The following PDIA5 variants were observed in gnomAD, a reference collection of about 807,000 sequenced individuals.
The protein encoded by PDIA5 is protein disulfide isomerase family A member 5.
A neutral mutation model predicts 77.6 loss-of-function variants in PDIA5; 58 were observed. That is an observed-to-expected ratio of 0.75 (90% CI 0.61 to 0.93). PDIA5 has a LOEUF of 0.93. Among genes scored for constraint, PDIA5 ranks in the 40% least tolerant of loss-of-function variants. PDIA5 has a pLI of 0.00. For missense variants in PDIA5, 630 were observed against 647.7 expected, an observed-to-expected ratio of 0.97 and a Z score of 0.30; for synonymous variants, 250 against 252.1, an observed-to-expected ratio of 0.99 and a Z score of 0.08.
intron 15 of PDIA5, among the ~76,000 whole-genome samples, chr3:123,157,976 G>A (rs924855611): frequency 2.0e-5 from 3 of 152,216 alleles, no homozygotes; most frequent in African/African-American, 7.2e-5. Flanking sequence ...CTGAGGCAGT[G>A]GGGGCCCCAC....
intron 15 of PDIA5, among the ~76,000 whole-genome samples, chr3:123,159,440 G>A (rs2717231): frequency 0.5 from 75,370 of 152,086 alleles, 18,674 homozygotes; most frequent in South Asian, 0.54. Flanking sequence ...GCTCCAGGGG[G>A]TGCTGGGGAA....
chr3:123,103,435 G>C (rs749944007), intron 5 of PDIA5, among the ~76,000 whole-genome samples: 44 of 152,304 alleles, frequency 2.9e-4, no homozygotes, highest in Non-Finnish European at 2.4e-4. Flanking sequence ...TCCTGCGCTG[G>C]CTGAAGCCAT....
intron 1 of PDIA5, among the ~76,000 whole-genome samples, chr3:123,081,992 G>A (rs1232588477): frequency 4.6e-5 from 7 of 152,196 alleles, no homozygotes; most frequent in Non-Finnish European, 1.0e-4. Context: ...CAGATTGGGA[G>A]GACCACACAC....
chr3:123,129,121 T>C (rs1463696901), intron 10 of PDIA5, among the ~76,000 whole-genome samples: 1 of 152,196 alleles, frequency 6.6e-6, no homozygotes, highest in Admixed American at 6.5e-5. Context: ...GCAGGTGTAT[T>C]GTAAAGATAA....
In PDIA5 at chr3:123,124,304, A is replaced by G. The variant is rs758318654; in HGVS notation, c.734A>G (p.Tyr245Cys). Residue 245 changes from tyrosine to cysteine, a missense_variant, in exon 10 of 17, where the codon TAT becomes TGT. Physicochemically the swap from Tyr to Cys is radical, Grantham distance 194. Transcript: ENST00000316218. Reference protein sequence around the residue: ...KGRFLFQYDNYGSTAEDIVEW... With the variant: ...KGRFLFQYDNCGSTAEDIVEW... ...CGGTTCTTGTTCCAGTATGACAACTATGGGTCCACAGCTGAGGACATTGTG... is the reference window on the plus strand; with the variant it reads ...CGGTTCTTGTTCCAGTATGACAACTGTGGGTCCACAGCTGAGGACATTGTG... 3.7e-6 allele frequency: 6 copies of G among 1,613,708 alleles called. No individual in the cohort carries two copies. In the Admixed American group the frequency reaches 5.0e-5, roughly 13 times the overall value.
At chr3:123,092,181 G>T (rs1213370593) in intron 2 of PDIA5, among the ~76,000 whole-genome samples, 174 bp from the exon 3 acceptor site, 2 of 152,134 alleles carry the variant, frequency 1.3e-5, no homozygotes, top group Non-Finnish European at 2.9e-5. Context: ...GACCATTCTT[G>T]CAGCACAGGC....
intron 3 of PDIA5, among the ~76,000 whole-genome samples, chr3:123,096,705 G>A (rs1039648868): frequency 2.6e-5 from 4 of 152,084 alleles, no homozygotes; most frequent in African/African-American, 9.7e-5. Flanking sequence ...TTCTGTCTAG[G>A]GTTTTGTCAG....
chr3:123,127,231 T>C (rs1935261593), intron 10 of PDIA5, among the ~76,000 whole-genome samples: 2 of 152,086 alleles, frequency 1.3e-5, no homozygotes, highest in Non-Finnish European at 2.9e-5. Flanking sequence ...AATTGCTCTC[T>C]CCAAACTGCA....
At chr3:123,126,407 C>T (rs1421749954) in intron 10 of PDIA5, among the ~76,000 whole-genome samples, 3 of 152,328 alleles carry the variant, frequency 2.0e-5, no homozygotes, top group South Asian at 2.1e-4. Context: ...CTAGTAATGT[C>T]ATTCTGCTAC....
chr3:123,140,893 G>A (rs981203348), intron 11 of PDIA5, among the ~76,000 whole-genome samples: 3 of 152,186 alleles, frequency 2.0e-5, no homozygotes, highest in African/African-American at 7.2e-5. Context: ...GGCTTCCCAT[G>A]CCTGTGGCAG....
intron 14 of PDIA5, among the ~76,000 whole-genome samples, chr3:123,152,965 C>CTTTT (rs5852323): frequency 4.2e-5 from 6 of 143,290 alleles, no homozygotes; most frequent in African/African-American, 1.3e-4. Context: ...GAGGCAGTGC[C>CTTTT]TTTTTTTTTT....
At chr3:123,091,317 AG>A (rs909222675) in intron 2 of PDIA5, among the ~76,000 whole-genome samples, 33 of 152,320 alleles carry the variant, frequency 2.2e-4, no homozygotes, top group African/African-American at 7.7e-4. Context: ...CACATAATTC[AG>A]ACATCATTTC....
At chr3:123,115,676 GA>G (rs1047479748) in intron 7 of PDIA5, among the ~76,000 whole-genome samples, 1 of 152,250 alleles carries the variant, frequency 6.6e-6, no homozygotes, top group Non-Finnish European at 1.5e-5. Context: ...CCACAGGCCA[GA>G]GCCAGCACTG....
chr3:123,088,553 A>T (rs753849903), intron 1 of PDIA5, among the ~76,000 whole-genome samples: 3 of 152,212 alleles, frequency 2.0e-5, no homozygotes, highest in Non-Finnish European at 4.4e-5. Context: ...ATGGACAGAC[A>T]TTGACCTCCC....
intron 1 of PDIA5, among the ~76,000 whole-genome samples, chr3:123,070,703 C>T (rs78823623): frequency 0.026 from 3,980 of 152,266 alleles, 66 homozygotes; most frequent in Middle Eastern, 0.054. Context: ...GCGCTGACTG[C>T]CTGCTTTCCT....
chr3:123,141,777 A>G (rs773724335), intron 11 of PDIA5, among the ~76,000 whole-genome samples: 1 of 152,232 alleles, frequency 6.6e-6, no homozygotes, highest in Non-Finnish European at 1.5e-5. Flanking sequence ...TTTTAATCTT[A>G]ATATACCTCA....
chr3:123,128,611 G>A (rs1031406054), intron 10 of PDIA5, among the ~76,000 whole-genome samples: 4 of 152,004 alleles, frequency 2.6e-5, no homozygotes, highest in African/African-American at 9.7e-5. Context: ...GGACTCAAGC[G>A]ATCCTCCCAC....
chr3:123,119,717 A>G (rs1276598130), intron 8 of PDIA5, among the ~76,000 whole-genome samples: 1 of 152,156 alleles, frequency 6.6e-6, no homozygotes, highest in Non-Finnish European at 1.5e-5. Flanking sequence ...TGGGACTAAT[A>G]AATGGGCTGC....
chr3:123,117,350 T>G (rs1935018744), intron 8 of PDIA5, among the ~76,000 whole-genome samples: 1 of 113,648 alleles, frequency 8.8e-6, no homozygotes, highest in Admixed American at 9.2e-5. Context: ...ATAAACTGCC[T>G]TTCTACTTTC....
Sources: allele counts gnomAD v4.1 joint callset (sites outside exome capture counted in the v4.1 genomes callset), GRCh38; gene constraint gnomAD v4.1.1; transcripts MANE v1.5; gene names NCBI Gene and HGNC (gene_info 2026-07-23, HGNC 2026-07-21).